Variants in LY86 observed in about 807,000 individuals in gnomAD.
LY86 encodes the protein lymphocyte antigen 86.
Under a neutral mutation model 17.3 loss-of-function variants are expected in LY86, and 20 were observed. That is an observed-to-expected ratio of 1.15 (90% CI 0.81 to 1.68). The LOEUF is 1.68. Among genes scored for constraint, LY86 ranks in the 40% most tolerant of loss-of-function variants. LY86 has a pLI of 0.00. For missense variants in LY86, 200 were observed against 191.9 expected, an observed-to-expected ratio of 1.04 and a Z score of -0.25; for synonymous variants, 74 against 70.6, an observed-to-expected ratio of 1.05 and a Z score of -0.24.
At chr6:6,596,287 G>A (rs952676818) in intron 1 of LY86, among the ~76,000 whole-genome samples, 15 of 152,150 alleles carry the variant, frequency 9.9e-5, no homozygotes, top group Admixed American at 5.9e-4. Context: ...AATGCTCATA[G>A]AAAACATTCT....
intron 1 of LY86, among the ~76,000 whole-genome samples, chr6:6,602,958 G>A (rs1581233723): frequency 1.3e-5 from 2 of 152,120 alleles, no homozygotes; most frequent in African/African-American, 2.4e-5. Context: ...ACTTTAGATC[G>A]TGTAACTCAT....
At chr6:6,614,455 C>T (rs965740933) in intron 1 of LY86, among the ~76,000 whole-genome samples, 5 of 151,782 alleles carry the variant, frequency 3.3e-5, no homozygotes, top group Admixed American at 2.6e-4. Flanking sequence ...CACAGAGCTC[C>T]CGCGAGCCTG....
intron 1 of LY86, among the ~76,000 whole-genome samples, chr6:6,600,155 A>G (rs1760852262): frequency 6.6e-6 from 1 of 152,224 alleles, no homozygotes; most frequent in Non-Finnish European, 1.5e-5. Flanking sequence ...TAAACTTTAC[A>G]TAGAAATGGC....
chr6:6,635,677 C>T (rs1761949488), intron 3 of LY86, among the ~76,000 whole-genome samples: 1 of 152,210 alleles, frequency 6.6e-6, no homozygotes, highest in Admixed American at 6.5e-5. Context: ...GCACTTCATT[C>T]CCAACCTTCC....
intron 1 of LY86, among the ~76,000 whole-genome samples, chr6:6,598,336 T>C (rs908503248): frequency 9.2e-5 from 14 of 151,702 alleles, no homozygotes; most frequent in Non-Finnish European, 2.1e-4. Context: ...TACCATGAGT[T>C]TACATTTATC....
chr6:6,612,569 G>A (rs753750572), intron 1 of LY86, among the ~76,000 whole-genome samples: 29 of 151,924 alleles, frequency 1.9e-4, no homozygotes, highest in Middle Eastern at 6.8e-3. Flanking sequence ...TGTCACTAGT[G>A]GAGCCTGCAG....
At chr6:6,590,696 T>G (rs1760496518) in intron 1 of LY86, among the ~76,000 whole-genome samples, 1 of 152,056 alleles carries the variant, frequency 6.6e-6, no homozygotes, top group South Asian at 2.1e-4. Flanking sequence ...TGGAGGGAGA[T>G]GGGGGCAAAA....
At chr6:6,649,574 AT>A in intron 3 of LY86, 50 bp from the exon 4 acceptor site, 2 of 1,166,236 alleles carry the variant, frequency 1.7e-6, no homozygotes. Flanking sequence ...TGAATGAATC[AT>A]TTTTTTAAAT....
At chr6:6,606,284 T>G (rs1041354589) in intron 1 of LY86, among the ~76,000 whole-genome samples, 3 of 151,926 alleles carry the variant, frequency 2.0e-5, no homozygotes, top group African/African-American at 4.8e-5. Flanking sequence ...AAACACAGAG[T>G]GTCGATTGGT....
At chr6:6,641,935 G>C (rs1379555816) in intron 3 of LY86, among the ~76,000 whole-genome samples, 3 of 152,200 alleles carry the variant, frequency 2.0e-5, no homozygotes, top group Non-Finnish European at 2.9e-5. Context: ...CAACCCCTGG[G>C]GAACCGCAGC....
chr6:6,627,986 C>G (rs1455364954), intron 3 of LY86, among the ~76,000 whole-genome samples: 1 of 151,454 alleles, frequency 6.6e-6, no homozygotes, highest in Non-Finnish European at 1.5e-5. Context: ...TTAAAATTAT[C>G]ATTTCAGAAA....
intron 3 of LY86, among the ~76,000 whole-genome samples, chr6:6,644,262 GC>G (rs1762079554): frequency 6.6e-6 from 1 of 152,104 alleles, no homozygotes; most frequent in Admixed American, 6.5e-5. Context: ...AGTGGTTCAG[GC>G]CTGTAATCCT....
intron 1 of LY86, among the ~76,000 whole-genome samples, chr6:6,607,825 G>A (rs965210865): frequency 7.2e-5 from 11 of 151,884 alleles, no homozygotes; most frequent in East Asian, 3.8e-4. Flanking sequence ...GCTTGAACCC[G>A]GGAGGCAAAG....
intron 1 of LY86, among the ~76,000 whole-genome samples, chr6:6,601,898 G>A (rs1760923892): frequency 6.6e-6 from 1 of 152,118 alleles, no homozygotes; most frequent in South Asian, 2.1e-4. Context: ...ATCTAGAGGT[G>A]CAGCCTCCTA....
intron 3 of LY86, 119 bp downstream of exon 3, chr6:6,626,540 G>A: frequency 9.0e-7 from 1 of 1,116,076 alleles, no homozygotes. Flanking sequence ...CTTTGGACGA[G>A]CTTATCCTCA....
chr6:6,603,922 A>G (rs1269995564), intron 1 of LY86, among the ~76,000 whole-genome samples: 2 of 150,438 alleles, frequency 1.3e-5, no homozygotes, highest in East Asian at 3.8e-4. Flanking sequence ...AACAGAAAAC[A>G]AAAAAAACTT....
chr6:6,624,737 A>G (rs1236648893), intron 1 of LY86, among the ~76,000 whole-genome samples, 189 bp from the exon 2 acceptor site: 5 of 152,210 alleles, frequency 3.3e-5, no homozygotes, highest in Non-Finnish European at 2.9e-5. Flanking sequence ...CAGAGTGAAC[A>G]TGATGTTGGC....
intron 1 of LY86, among the ~76,000 whole-genome samples, chr6:6,604,929 G>C (rs1331298456): frequency 1.3e-5 from 2 of 151,018 alleles, no homozygotes; most frequent in Admixed American, 6.6e-5. Context: ...ATAGAAAAGA[G>C]AAAATAACAA....
intron 1 of LY86, among the ~76,000 whole-genome samples, chr6:6,623,598 G>C (rs1761725227): frequency 6.6e-6 from 1 of 152,136 alleles, no homozygotes; most frequent in Non-Finnish European, 1.5e-5. Flanking sequence ...CTGAGAAACA[G>C]CCCCAATATA....
Sources: gnomAD v4.1 joint callset for allele counts (sites outside exome capture counted in the v4.1 genomes callset) on GRCh38, gnomAD v4.1.1 for gene constraint, MANE v1.5 for transcripts, NCBI Gene and HGNC (gene_info 2026-07-23, HGNC 2026-07-21) for gene names.